PLS3: variants seen among roughly 807,000 people sequenced by gnomAD.
PLS3 encodes plastin-3.
A neutral mutation model predicts 46.5 loss-of-function variants in PLS3; 11 were observed. That is an observed-to-expected ratio of 0.24 (90% CI 0.15 to 0.39). The LOEUF (loss-of-function observed/expected upper bound fraction) is 0.39, where lower values mean the gene tolerates loss of function less well. PLS3 is among the 10% of genes least tolerant of loss of function. PLS3 has a pLI of 1.00. For missense variants in PLS3, 308 were observed against 461.8 expected (o/e 0.67, Z 3.05); for synonymous variants, 167 against 162.2 (o/e 1.03, Z -0.22).
At chrX:115,611,205 A>G (rs1471748644) in intron 2 of PLS3, among the ~76,000 whole-genome samples, 1 of 113,032 alleles carries the variant, frequency 8.8e-6, no homozygotes, top group Non-Finnish European at 1.9e-5. Context: ...ATTTATGATC[A>G]ACATTTTCTA....
At position 115,643,416 on chromosome X, in the gene PLS3, A is replaced by G. The variant is rs1405547633; in HGVS notation, c.1091A>G (p.Lys364Arg). 3 of 1,196,912 alleles carry G rather than the reference A, an allele frequency of 2.5e-6. No homozygotes were observed. Among genetic ancestry groups the G allele is most frequent in the Non-Finnish European group, 3.4e-6 (3 of 883,895 alleles). The change falls in exon 10 of 16, where the codon AAA (lysine) becomes AGA (arginine). Residue 364 changes from lysine (K) to arginine (R), a missense_variant. Transcript: ENST00000355899. ...GCTGATGTTGTCAGTGGAAACCCCA[A>G]ACTCAACTTAGCTTTCGTGGCTAAC... The part of the protein sequence containing the change: ...TPADVVSGNP[K>R]LNLAFVANLF...
chrX:115,601,667 G>C (rs187070835), intron 1 of PLS3, among the ~76,000 whole-genome samples: 1 of 110,189 alleles, frequency 9.1e-6, no homozygotes, highest in Non-Finnish European at 1.9e-5. Flanking sequence ...AAAAAAACTT[G>C]TGGAGTAGGC....
intron 1 of PLS3, among the ~76,000 whole-genome samples, chrX:115,597,624 C>A (rs956728238): frequency 9.0e-6 from 1 of 111,688 alleles, no homozygotes; most frequent in Non-Finnish European, 1.9e-5. Flanking sequence ...ACAAGTATTC[C>A]TGAAATTTTA....
rs148405437 is a variant in PLS3 at position 115,609,559 on chromosome X, G to T, written c.-8-684G>T. ...CTTTAATAACCATATCCAGCTTGAG[G>T]TCATACAAAAACAACTGGTGATCCA... On this transcript the variant is annotated intron_variant, in intron 1 of 15. Coordinates refer to ENST00000355899, the MANE Select transcript of PLS3 (RefSeq NM_005032.7). Among the ~76,000 whole-genome samples the T allele has an allele frequency of 7.8e-3, 870 of 111,784 alleles. 6 individuals carry two copies. The highest frequency in any genetic ancestry group is 0.013 in the Non-Finnish European group (702 of 53,128).
At chrX:115,644,721 A>T in intron 10 of PLS3, among the ~76,000 whole-genome samples, 1 of 111,796 alleles carries the variant, frequency 8.9e-6, no homozygotes, top group Non-Finnish European at 1.9e-5. Flanking sequence ...AGGGATGCAG[A>T]TTCGAGGAAA....
intron 1 of PLS3, among the ~76,000 whole-genome samples, chrX:115,597,862 C>G (rs782606138): frequency 1.3e-4 from 15 of 111,308 alleles, no homozygotes; most frequent in African/African-American, 4.9e-4. Context: ...TAATGATGTC[C>G]TCTGTTTAGT....
chrX:115,584,185 A>T (rs2074294759), intron 1 of PLS3, among the ~76,000 whole-genome samples: 1 of 111,975 alleles, frequency 8.9e-6, no homozygotes. Context: ...TTTATTCTTG[A>T]CTATGAAATA....
chrX:115,599,714 C>G (rs2074424982), intron 1 of PLS3, among the ~76,000 whole-genome samples: 1 of 106,337 alleles, frequency 9.4e-6, no homozygotes, highest in Non-Finnish European at 1.9e-5. Context: ...CTCACTGCAG[C>G]CTCCGCCTCC....
intron 1 of PLS3, among the ~76,000 whole-genome samples, chrX:115,572,059 G>C (rs2147416943): frequency 8.9e-6 from 1 of 112,053 alleles, no homozygotes; most frequent in East Asian, 2.8e-4. Context: ...AGCAAATAGA[G>C]CCAAATTATC....
chrX:115,641,856 A>G (rs782232481), intron 9 of PLS3, among the ~76,000 whole-genome samples: 1 of 109,780 alleles, frequency 9.1e-6, no homozygotes, highest in Admixed American at 9.9e-5. Flanking sequence ...TCAGTCTGAA[A>G]TGTTCTGCTT....
At chrX:115,631,290 C>T (rs949997583) in intron 5 of PLS3, among the ~76,000 whole-genome samples, 7 of 108,566 alleles carry the variant, frequency 6.4e-5, no homozygotes, top group Non-Finnish European at 3.8e-5. Context: ...AGGCTGGTCT[C>T]GAACTCCAGA....
intron 2 of PLS3, chrX:115,610,792 G>C (rs1412379156): frequency 1.3e-5 from 11 of 818,337 alleles, no homozygotes; most frequent in Non-Finnish European, 1.6e-5. Context: ...CTGTGCCTTT[G>C]GTTACTGCAG....
At chrX:115,643,832 C>T (rs1450488990) in intron 10 of PLS3, among the ~76,000 whole-genome samples, 1 of 111,045 alleles carries the variant, frequency 9.0e-6, no homozygotes, top group Non-Finnish European at 1.9e-5. Flanking sequence ...TTAGCTGGGG[C>T]GTGGTGGCAC....
At chrX:115,573,035 G>A (rs2074225675) in intron 1 of PLS3, among the ~76,000 whole-genome samples, 3 of 102,930 alleles carry the variant, frequency 2.9e-5, no homozygotes, top group Admixed American at 1.1e-4. Context: ...AGAGGTTGCA[G>A]TGAGCCGGGA....
intron 9 of PLS3, among the ~76,000 whole-genome samples, chrX:115,641,695 T>C (rs782755615): frequency 5.9e-4 from 66 of 111,418 alleles, no homozygotes; most frequent in African/African-American, 2.1e-3. Flanking sequence ...TGGCTAGCCA[T>C]GTGATCTGAT....
At chrX:115,575,988 T>C (rs996678782) in intron 1 of PLS3, among the ~76,000 whole-genome samples, 5 of 111,871 alleles carry the variant, frequency 4.5e-5, no homozygotes, top group Non-Finnish European at 9.4e-5. Context: ...AAGTACATGA[T>C]AAATGCTTTG....
intron 3 of PLS3, among the ~76,000 whole-genome samples, chrX:115,626,054 T>C (rs1556638431): frequency 8.9e-6 from 1 of 111,785 alleles, no homozygotes; most frequent in Admixed American, 9.5e-5. Context: ...GTGAGCTCAT[T>C]AGTATCACAA....
intron 1 of PLS3, among the ~76,000 whole-genome samples, chrX:115,581,083 A>C (rs781931248): frequency 9.0e-6 from 1 of 111,186 alleles, no homozygotes; most frequent in African/African-American, 3.3e-5. Context: ...TTAATGGCCA[A>C]AATTGAAGTT....
chrX:115,647,433 C>G, intron 13 of PLS3, 117 bp from the exon 14 acceptor site: 1 of 756,836 alleles, frequency 1.3e-6, no homozygotes, highest in Admixed American at 3.1e-5. Context: ...GACTCCGTCT[C>G]AAAAAAAAGA....
Sources: allele counts gnomAD v4.1 joint callset (sites outside exome capture counted in the v4.1 genomes callset), GRCh38; gene constraint gnomAD v4.1.1; transcripts MANE v1.5; gene names NCBI Gene and HGNC (gene_info 2026-07-23, HGNC 2026-07-21).